The following YJU2 variants were observed in gnomAD, a reference collection of about 807,000 sequenced individuals.
YJU2 encodes YJU2 splicing factor homolog, also known as splicing factor YJU2.
A neutral mutation model predicts 39.6 loss-of-function variants in YJU2; 28 were observed. The observed-to-expected ratio is 0.71, with a 90% confidence interval of 0.52 to 0.97. The LOEUF is 0.97. Among genes scored for constraint, YJU2 ranks in the 50% least tolerant of loss-of-function variants. The pLI, the probability that YJU2 is intolerant of heterozygous loss-of-function variation, is 0.00. For synonymous variants in YJU2, 184 were observed against 182.4 expected, an observed-to-expected ratio of 1.01 and a Z score of -0.07; for missense variants, 328 against 430.4, an observed-to-expected ratio of 0.76 and a Z score of 2.11.
chr19:4,260,628 C>T (rs1971063460), intron 5 of YJU2, among the ~76,000 whole-genome samples: 1 of 152,076 alleles, frequency 6.6e-6, no homozygotes, highest in African/African-American at 2.4e-5. Flanking sequence ...TCCTAGCTAA[C>T]ATTTTTAATT....
Position 4,250,559 on chromosome 19 carries a change from G to A in YJU2, c.126-468G>A, listed in dbSNP as rs538798202. Among the ~76,000 whole-genome samples the A allele has an allele frequency of 2.2e-4, 33 of 152,174 alleles. No individual in the cohort carries two copies. The South Asian group carries it at 6.4e-3, about 30-fold the overall frequency. ...AGGTCTGAGGATGAAGGGTGTCGCC[G>A]GCCATGAGACTGTAGGAGCAGAGGC... On this transcript the variant is annotated intron_variant, in intron 2 of 7. Transcript: ENST00000262962.
At position 4,257,396 on chromosome 19, in the gene YJU2, GA is replaced by G. The variant is rs201536126; in HGVS notation, c.406-845del. 6.8e-3 allele frequency among the ~76,000 whole-genome samples: 1,029 copies of G among 152,198 alleles called. 9 individuals carry two copies. Among genetic ancestry groups the G allele is most frequent in the African/African-American group, 0.024 (990 of 41,528 alleles). ...CAACCTCTGCCTCCTGGGTTCAAGT[GA>G]TTCTCCTGCCTCAGCCTCCCAAGTA... is the stretch of plus-strand genomic sequence containing the variant. On this transcript the variant is annotated intron_variant, in intron 4 of 7. Coordinates refer to ENST00000262962, the MANE Select transcript of YJU2 (RefSeq NM_018074.6).
chr19:4,262,230 G>A (rs1039331793), intron 6 of YJU2, 116 bp downstream of exon 6: 101 of 1,129,028 alleles, frequency 8.9e-5, no homozygotes, highest in African/African-American at 2.8e-4. Flanking sequence ...ACGGAGTCTC[G>A]CTCTGTCGCC....
intron 6 of YJU2, among the ~76,000 whole-genome samples, chr19:4,263,364 G>T (rs1971088081): frequency 6.6e-6 from 1 of 152,122 alleles, no homozygotes; most frequent in East Asian, 1.9e-4. Flanking sequence ...GGCAAAAAGT[G>T]TGTGGAGGAC....
intron 4 of YJU2, among the ~76,000 whole-genome samples, chr19:4,255,056 C>CAAA (rs33989575): frequency 1.7e-4 from 16 of 95,868 alleles, no homozygotes; most frequent in African/African-American, 5.3e-4. Flanking sequence ...ATTCTGTCTC[C>CAAA]AAAAAAAAAA....
intron 4 of YJU2, among the ~76,000 whole-genome samples, 179 bp from the exon 5 acceptor site, chr19:4,258,063 G>C (rs774566737): frequency 6.6e-6 from 1 of 152,298 alleles, no homozygotes; most frequent in East Asian, 1.9e-4. Flanking sequence ...CCCCAGACCT[G>C]AGTGTTCTCA....
intron 6 of YJU2, among the ~76,000 whole-genome samples, chr19:4,264,228 C>T: frequency 7.5e-6 from 1 of 133,516 alleles, no homozygotes; most frequent in South Asian, 2.5e-4. Context: ...TGCCACTGCA[C>T]TCCAGCCTGG....
At chr19:4,262,137 G>A (rs1173898071) in intron 6 of YJU2, 23 bp downstream of exon 6, 1 of 1,585,426 alleles carries the variant, frequency 6.3e-7, no homozygotes, top group East Asian at 2.2e-5. Flanking sequence ...CCTGAGTCCT[G>A]GGGGCTCCCA....
intron 5 of YJU2, among the ~76,000 whole-genome samples, chr19:4,259,616 G>C (rs979512538): frequency 6.6e-6 from 1 of 152,044 alleles, no homozygotes; most frequent in African/African-American, 2.4e-5. Context: ...CTGGCCTCAA[G>C]CGATCCTCCC....
At position 4,251,029 on chromosome 19, in the gene YJU2, G is replaced by T. The variant is rs765201312; in HGVS notation, c.128G>T (p.Cys43Phe). ...VRLMAPFNMR[C>F]KTCGEYIYKG... Reference sequence around the variant, plus strand: ...CATCCCTACATGCTGCCCCGCAGGTGTAAGACGTGCGGAGAATACATCTAC... The same window carrying T: ...CATCCCTACATGCTGCCCCGCAGGTTTAAGACGTGCGGAGAATACATCTAC... Residue 43 changes from cysteine to phenylalanine, a missense_variant and splice_region_variant, in exon 3 of 8, where the codon TGT (cysteine) becomes TTT (phenylalanine). Transcript: ENST00000262962. The T allele has an allele frequency of 6.2e-7, 1 of 1,614,136 alleles. No individual in the cohort carries two copies. The highest frequency in any genetic ancestry group is 1.7e-5 in the Admixed American group (1 of 60,018).
At chr19:4,262,699 G>A (rs10416511) in intron 6 of YJU2, among the ~76,000 whole-genome samples, 80,490 of 151,460 alleles carry the variant, frequency 0.53, 22,223 homozygotes, top group African/African-American at 0.68. Context: ...GCTTGAGGCC[G>A]GGAGTTTGAG....
At chr19:4,256,180 A>AT (rs1568361781) in intron 4 of YJU2, among the ~76,000 whole-genome samples, 5,455 of 105,368 alleles carry the variant, frequency 0.052, 120 homozygotes, top group Non-Finnish European at 0.065. Context: ...AAAAAAAAAA[A>AT]AATATATATA....
chr19:4,268,107 C>A (rs1318815584), intron 7 of YJU2, among the ~76,000 whole-genome samples: 1 of 151,914 alleles, frequency 6.6e-6, no homozygotes, highest in Non-Finnish European at 1.5e-5. Flanking sequence ...CCACGCCCGG[C>A]TAAATTTTTG....
At chr19:4,267,216 G>A (rs1440931412) in intron 6 of YJU2, among the ~76,000 whole-genome samples, 3 of 152,114 alleles carry the variant, frequency 2.0e-5, no homozygotes, top group Non-Finnish European at 4.4e-5. Context: ...AGGGCACTGT[G>A]AGCGTGGACA....
intron 5 of YJU2, among the ~76,000 whole-genome samples, chr19:4,259,493 C>A (rs1971054080): frequency 6.6e-6 from 1 of 152,184 alleles, no homozygotes; most frequent in African/African-American, 2.4e-5. Flanking sequence ...GTTCCTCCTG[C>A]CTCAGCCTTC....
chr19:4,267,751 A>T lies in YJU2; in HGVS notation c.836A>T (p.Gln279Leu). 2 of 1,612,594 alleles carry T rather than the reference A, an allele frequency of 1.2e-6. No individual in the cohort carries two copies. The highest frequency in any genetic ancestry group is 1.7e-6 in the Non-Finnish European group (2 of 1,179,636). ...AKADPDCSNG[Q>L]PQAAPTPGAP... ...GCCGACCCGGACTGCAGCAACGGGC[A>T]GCCTCAGGCGGCCCCCACCCCAGGT... Residue 279 changes from glutamine to leucine, a missense_variant, in exon 7 of 8, where the codon CAG becomes CTG. Gln to Leu is a moderately radical substitution (Grantham distance 113). Coordinates refer to ENST00000262962, the MANE Select transcript of YJU2 (RefSeq NM_018074.6).
intron 6 of YJU2, among the ~76,000 whole-genome samples, chr19:4,266,081 GT>G (rs1971113337): frequency 1.3e-5 from 2 of 151,698 alleles, no homozygotes; most frequent in African/African-American, 4.8e-5. Context: ...AGTCTCCCGA[GT>G]AGCTGGGATT....
At chr19:4,247,341 G>C (rs3815343) in intron 1 of YJU2, 171 bp downstream of exon 1, 199,193 of 585,622 alleles carry the variant, frequency 0.34, 36,354 homozygotes, top group African/African-American at 0.54. Flanking sequence ...CCTTCCGTCG[G>C]GGGGGTGGGC....
At chr19:4,255,091 G>A (rs537196243) in intron 4 of YJU2, among the ~76,000 whole-genome samples, 1 of 150,896 alleles carries the variant, frequency 6.6e-6, no homozygotes, top group African/African-American at 2.4e-5. Context: ...AAGCATGGTG[G>A]CGCATGCCTG....
Sources: allele counts gnomAD v4.1 joint callset (sites outside exome capture counted in the v4.1 genomes callset), GRCh38; gene constraint gnomAD v4.1.1; transcripts MANE v1.5; gene names NCBI Gene and HGNC (gene_info 2026-07-23, HGNC 2026-07-21).